The following C8orf34 variants were observed in gnomAD, a reference collection of about 807,000 sequenced individuals.
C8orf34 encodes the protein uncharacterized protein C8orf34.
C8orf34 carries 65 observed loss-of-function variants against 68.3 expected under a neutral mutation model. That is an observed-to-expected ratio of 0.95 (90% CI 0.78 to 1.17). C8orf34 has a LOEUF of 1.17. Among genes scored for constraint, C8orf34 ranks in the 50% most tolerant of loss-of-function variants. The pLI, the probability that C8orf34 is intolerant of heterozygous loss-of-function variation, is 0.00. For missense variants in C8orf34, 664 were observed against 655.4 expected (o/e 1.01, Z -0.14); for synonymous variants, 244 against 241.2 (o/e 1.01, Z -0.11).
At chr8:68,762,358 G>A (rs1286764932) in intron 10 of C8orf34, among the ~76,000 whole-genome samples, 1 of 152,106 alleles carries the variant, frequency 6.6e-6, no homozygotes, top group Non-Finnish European at 1.5e-5. Flanking sequence ...CTTTCAACCT[G>A]CAATATTGGT....
intron 10 of C8orf34, among the ~76,000 whole-genome samples, chr8:68,744,104 G>C (rs1025036461): frequency 7.2e-5 from 11 of 152,162 alleles, no homozygotes; most frequent in Admixed American, 6.5e-4. Flanking sequence ...TAACTGGGAG[G>C]TACCACCCAG....
intron 11 of C8orf34, among the ~76,000 whole-genome samples, chr8:68,778,817 T>C (rs986216687): frequency 1.3e-5 from 2 of 152,182 alleles, no homozygotes; most frequent in African/African-American, 2.4e-5. Context: ...AAATAACTTA[T>C]CAAATTCAAT....
chr8:68,516,750 C>T (rs1814536728), intron 5 of C8orf34, among the ~76,000 whole-genome samples: 1 of 152,038 alleles, frequency 6.6e-6, no homozygotes, highest in African/African-American at 2.4e-5. Flanking sequence ...AAGTGATTCT[C>T]CTGCATCTGC....
At chr8:68,635,562 CA>C (rs1444089849) in intron 7 of C8orf34, among the ~76,000 whole-genome samples, 1 of 152,172 alleles carries the variant, frequency 6.6e-6, no homozygotes, top group Non-Finnish European at 1.5e-5. Flanking sequence ...TTCTTTTTAA[CA>C]GATGTACCCT....
chr8:68,461,888 G>C (rs1811849120), intron 3 of C8orf34, among the ~76,000 whole-genome samples: 1 of 152,082 alleles, frequency 6.6e-6, no homozygotes, highest in Non-Finnish European at 1.5e-5. Context: ...ATCAACTAAC[G>C]AGCAAAATAA....
chr8:68,460,829 C>A (rs990983016), intron 3 of C8orf34, among the ~76,000 whole-genome samples: 20 of 150,518 alleles, frequency 1.3e-4, no homozygotes, highest in African/African-American at 4.9e-4. Context: ...TAGATAAAAC[C>A]ACAAAGATGG....
chr8:68,376,879 A>T (rs981674790), intron 1 of C8orf34, among the ~76,000 whole-genome samples: 3 of 152,122 alleles, frequency 2.0e-5, no homozygotes, highest in Non-Finnish European at 4.4e-5. Context: ...CTAGTGAGAA[A>T]ATATCAACAG....
At chr8:68,410,127 T>C (rs141314004) in intron 1 of C8orf34, among the ~76,000 whole-genome samples, 2 of 152,244 alleles carry the variant, frequency 1.3e-5, no homozygotes, top group African/African-American at 4.8e-5. Context: ...AGAAATATAA[T>C]ATAAGGTTGC....
chr8:68,651,723 G>T (rs921419224), intron 8 of C8orf34, among the ~76,000 whole-genome samples: 39 of 152,158 alleles, frequency 2.6e-4, no homozygotes, highest in Admixed American at 6.5e-4. Flanking sequence ...ACATAAGGAT[G>T]GAAACAATAG....
chr8:68,506,411 T>A (rs1385832594), intron 5 of C8orf34, among the ~76,000 whole-genome samples: 1 of 152,230 alleles, frequency 6.6e-6, no homozygotes, highest in Non-Finnish European at 1.5e-5. Context: ...ATTACCCAAG[T>A]TGGACTTGAA....
chr8:68,796,293 A>G (rs796617501), intron 12 of C8orf34, among the ~76,000 whole-genome samples: 26 of 152,202 alleles, frequency 1.7e-4, no homozygotes, highest in African/African-American at 5.8e-4. Flanking sequence ...TATTTTTGCC[A>G]TTGTTCTTAT....
intron 10 of C8orf34, among the ~76,000 whole-genome samples, chr8:68,771,186 G>A (rs1028499086): frequency 6.6e-6 from 1 of 152,064 alleles, no homozygotes; most frequent in Non-Finnish European, 1.5e-5. Context: ...AAAGACTTGA[G>A]CTTTCTAAAA....
intron 8 of C8orf34, among the ~76,000 whole-genome samples, chr8:68,670,473 G>A (rs1819974368): frequency 6.6e-6 from 1 of 152,082 alleles, no homozygotes; most frequent in African/African-American, 2.4e-5. Context: ...TCTTTTGAGG[G>A]CAACTTTGAG....
intron 10 of C8orf34, among the ~76,000 whole-genome samples, chr8:68,765,467 A>C (rs1287461152): frequency 6.6e-6 from 1 of 152,212 alleles, no homozygotes; most frequent in Non-Finnish European, 1.5e-5. Context: ...TGGACCCACC[A>C]ATGGAAATCA....
At chr8:68,484,507 A>G (rs908883185) in intron 4 of C8orf34, among the ~76,000 whole-genome samples, 2 of 152,140 alleles carry the variant, frequency 1.3e-5, no homozygotes, top group Admixed American at 1.3e-4. Context: ...TATCTTCGCA[A>G]CCCACTTCAT....
intron 6 of C8orf34, among the ~76,000 whole-genome samples, chr8:68,522,882 A>G (rs1001640447): frequency 6.6e-6 from 1 of 152,204 alleles, no homozygotes; most frequent in African/African-American, 2.4e-5. Flanking sequence ...TGTGCATAGC[A>G]TAGCCACAGT....
chr8:68,613,220 T>C (rs1286428449), intron 7 of C8orf34, among the ~76,000 whole-genome samples: 1 of 152,168 alleles, frequency 6.6e-6, no homozygotes, highest in Non-Finnish European at 1.5e-5. Flanking sequence ...GTAATGGGAA[T>C]TCTTGCCCTG....
At chr8:68,547,562 A>G (rs1815925914) in intron 7 of C8orf34, among the ~76,000 whole-genome samples, 2 of 151,784 alleles carry the variant, frequency 1.3e-5, no homozygotes, top group South Asian at 4.1e-4. Flanking sequence ...AACCTGGCAA[A>G]GACATTAAAA....
intron 1 of C8orf34, among the ~76,000 whole-genome samples, chr8:68,332,154 G>C (rs909413007): frequency 4.0e-5 from 6 of 151,394 alleles, no homozygotes; most frequent in Non-Finnish European, 8.8e-5. Flanking sequence ...GGAAGAGCGC[G>C]AGGACACGAG....
Sources: allele counts gnomAD v4.1 joint callset (sites outside exome capture counted in the v4.1 genomes callset), GRCh38; gene constraint gnomAD v4.1.1; transcripts MANE v1.5; gene names NCBI Gene and HGNC (gene_info 2026-07-23, HGNC 2026-07-21).